KBTBD6: variants seen among roughly 807,000 people sequenced by gnomAD.
KBTBD6 encodes the protein kelch repeat and BTB domain-containing protein 6.
A neutral mutation model predicts 34.4 loss-of-function variants in KBTBD6; 6 were observed. The observed-to-expected ratio is 0.17, with a 90% CI of 0.10 to 0.34. The LOEUF is 0.34. Among genes scored for constraint, KBTBD6 ranks in the 10% least tolerant of loss-of-function variants. KBTBD6 has a pLI of 1.00. For missense variants in KBTBD6, 557 were observed against 856.0 expected, an observed-to-expected ratio of 0.65 and a Z score of 4.36; for synonymous variants, 288 against 327.2, an observed-to-expected ratio of 0.88 and a Z score of 1.29.
chr13:41,131,715 C>T lies in KBTBD6; in HGVS notation c.797G>A (p.Arg266His). 1 of 1,614,170 alleles carries T rather than the reference C, an allele frequency of 6.2e-7. No individual in the cohort carries two copies. The highest frequency in any genetic ancestry group is 8.5e-7 in the Non-Finnish European group (1 of 1,180,004). The change falls in exon 1 of 1, where the codon CGC becomes CAC. Residue 266 changes from arginine to histidine, a missense_variant. Coordinates refer to ENST00000379485, the MANE Select transcript of KBTBD6 (RefSeq NM_152903.5). The surrounding 1 kb of genome is among the most constrained non-coding windows in gnomAD (Gnocchi z 5.8). Reference protein sequence around the residue: ...PSAAEVFKCVRWMHFTEEDQD... With the variant: ...PSAAEVFKCVHWMHFTEEDQD... ...ATCTTCTTCAGTGAAGTGCATCCAG[C>T]GCACGCACTTGAAGACTTCTGCAGC...
chr13:41,131,867 T>A lies in KBTBD6; in HGVS notation c.645A>T (p.Ala215=). Residue 215 remains alanine, a synonymous_variant, in exon 1 of 1, where the codon GCA becomes GCT. Transcript: ENST00000379485. The surrounding 1 kb of genome is among the most constrained non-coding windows in gnomAD (Gnocchi z 5.8). ...HMGSIREETL[A]DLTLAQLLAV... ...CCAGCAGCTGGGCCAGGGTCAGATCTGCTAGAGTCTCCTCCCGAATTGAAC... is the reference window on the plus strand; with the variant it reads ...CCAGCAGCTGGGCCAGGGTCAGATCAGCTAGAGTCTCCTCCCGAATTGAAC... The A allele has an allele frequency of 6.2e-7, 1 of 1,614,266 alleles. No homozygotes were observed. Among genetic ancestry groups the A allele is most frequent in the Non-Finnish European group, 8.5e-7 (1 of 1,180,054 alleles).
At position 41,128,420 on chromosome 13, in the gene KBTBD6, T is replaced by C; in HGVS notation, c.*2067A>G. ...TTTAGTGTGTTTAACAATGTCAGTTTCGTGGGATTTAGTCTCTGTTCCAGG... is the reference window on the plus strand; with the variant it reads ...TTTAGTGTGTTTAACAATGTCAGTTCCGTGGGATTTAGTCTCTGTTCCAGG... On this transcript the variant is annotated 3_prime_UTR_variant, in exon 1 of 1. Coordinates refer to ENST00000379485, the MANE Select transcript of KBTBD6 (RefSeq NM_152903.5). 2.6e-6 allele frequency: 1 copy of C among 391,664 alleles called. No individual in the cohort carries two copies. Among genetic ancestry groups the C allele is most frequent in the African/African-American group, 2.1e-5 (1 of 48,658 alleles). The allele number at this position is 391,664 out of a possible 1,614,324, so 24.3% of individuals were successfully genotyped here. A position where few individuals can be genotyped will look rare whatever the true frequency, so the allele number is the denominator to read the frequency against.
chr13:41,131,748 C>A lies in KBTBD6; in HGVS notation c.764G>T (p.Gly255Val), dbSNP rs1161116543. The change falls in exon 1 of 1, where the codon GGT becomes GTT. Residue 255 changes from glycine to valine, a missense_variant. Gly to Val is a moderately radical substitution (Grantham distance 109, BLOSUM62 -3). Around this residue, in one of 4 missense-constraint regions of KBTBD6, gnomAD observed 100 missense variants for 102.1 expected, o/e 0.98. Coordinates refer to ENST00000379485, the MANE Select transcript of KBTBD6 (RefSeq NM_152903.5). The surrounding 1 kb of genome is among the most constrained non-coding windows in gnomAD (Gnocchi z 5.8). ...CTTGAAGACTTCTGCAGCACTGGGA[C>A]CCCGCTCTTTGGGAGCAGCCTCCAG... ...QWLEAAPKER[G>V]PSAAEVFKCV... 1 of 1,614,246 alleles carries A rather than the reference C, an allele frequency of 6.2e-7. No individual in the cohort carries two copies. The highest frequency in any genetic ancestry group is 8.5e-7 in the Non-Finnish European group (1 of 1,180,044).
Position 41,130,400 on chromosome 13 carries a change from A to C in KBTBD6, c.*87T>G. On this transcript the variant is annotated 3_prime_UTR_variant, in exon 1 of 1. Coordinates refer to ENST00000379485, the MANE Select transcript of KBTBD6 (RefSeq NM_152903.5). The surrounding 1 kb of genome is among the most constrained non-coding windows in gnomAD (Gnocchi z 4.8). ...AACTTTTCCTCTCCTTTAGGAACAA[A>C]AAGGATATTTAAGATATTTTCCAAA... 9.9e-7 allele frequency: 1 copy of C among 1,006,132 alleles called. No homozygotes were observed. 62.3% of individuals were successfully genotyped at this position (1,006,132 alleles called of 1,614,324 possible).
chr13:41,131,159 C>T lies in KBTBD6; in HGVS notation c.1353G>A (p.Leu451=), dbSNP rs1566228374. 1.2e-6 allele frequency: 2 copies of T among 1,614,180 alleles called. No individual in the cohort carries two copies. The highest frequency in any genetic ancestry group is 1.7e-6 in the Non-Finnish European group (2 of 1,180,034). ...TAACATTGTAGCATTCCACTTCCTT[C>T]AACTTAACTCCAGTAATAGGGTCTC... ...GGRDPITGVK[L]KEVECYNVKR... The change falls in exon 1 of 1, where the codon TTG becomes TTA. Residue 451 remains leucine, a synonymous_variant. Transcript: ENST00000379485. This position sits in a 1 kb window ranked among gnomAD's most constrained non-coding sequence, Gnocchi z 5.8.
Position 41,132,654 on chromosome 13 carries a change from AC to A in KBTBD6, c.-144del, listed in dbSNP as rs2030132403. The A allele has an allele frequency of 2.1e-6, 2 of 932,976 alleles. No homozygotes were observed. Among genetic ancestry groups the A allele is most frequent in the Non-Finnish European group, 3.2e-6 (2 of 624,642 alleles). The allele number at this position is 932,976 out of a possible 1,614,324, so 57.8% of individuals were successfully genotyped here. A position where few individuals can be genotyped will look rare whatever the true frequency, so the allele number is the denominator to read the frequency against. On this transcript the variant is annotated 5_prime_UTR_variant, in exon 1 of 1. Transcript: ENST00000379485. ...GAGCCCATTTACTGAATTCAACCCTACCCCGCAGAACCGCCTCCCGTTATCG... is the reference window on the plus strand; with the variant it reads ...GAGCCCATTTACTGAATTCAACCCTACCCGCAGAACCGCCTCCCGTTATCG...
In KBTBD6 at chr13:41,128,431, AG is replaced by A; in HGVS notation, c.*2055del. ...TAACAATGTCAGTTTCGTGGGATTTAGTCTCTGTTCCAGGACCTTCTCTTAC... is the reference window on the plus strand; with the variant it reads ...TAACAATGTCAGTTTCGTGGGATTTATCTCTGTTCCAGGACCTTCTCTTAC... On this transcript the variant is annotated 3_prime_UTR_variant, in exon 1 of 1. Transcript: ENST00000379485. 1 of 393,118 alleles carries A rather than the reference AG, an allele frequency of 2.5e-6. No homozygotes were observed. The highest frequency in any genetic ancestry group is 4.5e-6 in the Non-Finnish European group (1 of 222,248). 24.4% of individuals were successfully genotyped at this position (393,118 alleles called of 1,614,324 possible). A position where few individuals can be genotyped will look rare whatever the true frequency, so the allele number is the denominator to read the frequency against.
In KBTBD6 at chr13:41,131,701, T is replaced by A. The variant is rs780519270; in HGVS notation, c.811A>T (p.Thr271Ser). ...TCTAAGTAGTCCTGATCTTCTTCAG[T>A]GAAGTGCATCCAGCGCACGCACTTG... The part of the protein sequence containing the change: ...VFKCVRWMHF[T>S]EEDQDYLEGL... The change falls in exon 1 of 1, where the codon ACT (threonine) becomes TCT (serine). Residue 271 changes from threonine (T) to serine (S), a missense_variant. Thr to Ser is a moderately conservative substitution (Grantham distance 58). This residue lies in a region of KBTBD6 where 309 missense variants were observed against 504.5 expected (regional missense o/e 0.61). Transcript: ENST00000379485. The surrounding 1 kb of genome is among the most constrained non-coding windows in gnomAD (Gnocchi z 5.8). The A allele has an allele frequency of 8.4e-5, 136 of 1,614,108 alleles. 1 individual carries two copies. Among genetic ancestry groups the A allele is most frequent in the Non-Finnish European group, 1.1e-4 (134 of 1,180,038 alleles).
At position 41,128,160 on chromosome 13, in the gene KBTBD6, G is replaced by C. The variant is rs2030026040; in HGVS notation, c.*2327C>G. 5.7e-6 allele frequency: 1 copy of C among 176,752 alleles called. No homozygotes were observed. The highest frequency in any genetic ancestry group is 1.2e-5 in the Non-Finnish European group (1 of 84,604). The allele number at this position is 176,752 out of a possible 1,614,324, so 10.9% of individuals were successfully genotyped here. A position where few individuals can be genotyped will look rare whatever the true frequency, so the allele number is the denominator to read the frequency against. On this transcript the variant is annotated 3_prime_UTR_variant, in exon 1 of 1. Transcript: ENST00000379485. ...TTATGATATTTCACTCAAAAATTTA[G>C]TTACCCACCCCAAAACACATTTCTC... is the stretch of plus-strand genomic sequence containing the variant.
chr13:41,132,127 A>C lies in KBTBD6; in HGVS notation c.385T>G (p.Cys129Gly). The change falls in exon 1 of 1, where the codon TGC becomes GGC. Residue 129 changes from cysteine to glycine, a missense_variant. This residue lies in a region of KBTBD6 where 108 missense variants were observed against 209.6 expected (regional missense o/e 0.52). Transcript: ENST00000379485. ...CTGAGAGACACACGACCCGTGTAGC[A>C]GTAGTCGACCAACACCTCGAAGGAC... is the stretch of plus-strand genomic sequence containing the variant. ...AESFEVLVDYCYTGRVSLSEA... is the reference protein window; with the variant it reads ...AESFEVLVDYGYTGRVSLSEA... 6.2e-7 allele frequency: 1 copy of C among 1,614,266 alleles called. No homozygotes were observed. The highest frequency in any genetic ancestry group is 8.5e-7 in the Non-Finnish European group (1 of 1,180,046).
At position 41,131,210 on chromosome 13, in the gene KBTBD6, A is replaced by C; in HGVS notation, c.1302T>G (p.Asn434Lys). The change falls in exon 1 of 1, where the codon AAT (asparagine) becomes AAG (lysine). Residue 434 changes from asparagine to lysine, a missense_variant. Asn to Lys is a moderately conservative substitution (Grantham distance 94, BLOSUM62 0). Transcript: ENST00000379485. This position sits in a 1 kb window ranked among gnomAD's most constrained non-coding sequence, Gnocchi z 5.8. ...CREGMDVAYL[N>K]GYIYILGGRD... is the part of the protein sequence containing the mutation. The stretch of plus-strand genomic sequence containing the variant: ...GCCCCCCCAAAATGTAGATATAGCC[A>C]TTGAGATATGCCACATCCATGCCCT... 1 of 1,614,214 alleles carries C rather than the reference A, an allele frequency of 6.2e-7. No individual in the cohort carries two copies. The highest frequency in any genetic ancestry group is 2.2e-5 in the East Asian group (1 of 44,884).
rs1371063387 is a variant in KBTBD6, at chr13:41,130,462, A to G, written c.*25T>C. ...AACTTAGTGTTTCAATCTAGTTACA[A>G]CAAACCCTGTTGATCCTGTGCATTT... On this transcript the variant is annotated 3_prime_UTR_variant, in exon 1 of 1. Transcript: ENST00000379485. The surrounding 1 kb of genome is among the most constrained non-coding windows in gnomAD (Gnocchi z 4.8). 1.3e-6 allele frequency: 2 copies of G among 1,534,148 alleles called. No individual in the cohort carries two copies. The highest frequency in any genetic ancestry group is 4.5e-5 in the East Asian group (2 of 44,312).
chr13:41,132,716 G>T lies in KBTBD6; in HGVS notation c.-205C>A. The T allele has an allele frequency of 1.6e-6, 1 of 641,226 alleles. No individual in the cohort carries two copies. The highest frequency in any genetic ancestry group is 2.7e-6 in the Non-Finnish European group (1 of 371,832). The allele number at this position is 641,226 out of a possible 1,614,324, so 39.7% of individuals were successfully genotyped here. On this transcript the variant is annotated 5_prime_UTR_variant, in exon 1 of 1. Coordinates refer to ENST00000379485, the MANE Select transcript of KBTBD6 (RefSeq NM_152903.5). ...GGCTGACTCACCCTCTCTCACTCCC[G>T]CGTCCTTTCTCCGCGTCTGCTCGCC...
At position 41,132,574 on chromosome 13, in the gene KBTBD6, T is replaced by TCA; in HGVS notation, c.-65_-64dup. 6.5e-7 allele frequency: 1 copy of TCA among 1,542,578 alleles called. No homozygotes were observed. The highest frequency in any genetic ancestry group is 1.2e-5 in the South Asian group (1 of 83,008). ...TGCAGGACCCGGCTCTGGCTCCTCC[T>TCA]CAACCTTCCCTCGCTGACGCTAAGA... On this transcript the variant is annotated 5_prime_UTR_variant, in exon 1 of 1. An upstream open reading frame in the 5' UTR loses its in-frame stop. Transcript: ENST00000379485.
rs1314318071 is a variant in KBTBD6 at position 41,132,752 on chromosome 13, C to T, written c.-241G>A. ...CCGCGTCTGCTCGCCTTCACAGGAC[C>T]CGCTGGCTTGGAGCCGCAGAAGCCG... On this transcript the variant is annotated 5_prime_UTR_variant, in exon 1 of 1. Coordinates refer to ENST00000379485, the MANE Select transcript of KBTBD6 (RefSeq NM_152903.5). The T allele has an allele frequency of 1.8e-6, 1 of 566,846 alleles. No individual in the cohort carries two copies. The highest frequency in any genetic ancestry group is 3.2e-6 in the Non-Finnish European group (1 of 315,930). The allele number at this position is 566,846 out of a possible 1,614,324, so 35.1% of individuals were successfully genotyped here.
Position 41,129,033 on chromosome 13 carries a change from A to G in KBTBD6, c.*1454T>C, listed in dbSNP as rs1349550892. On this transcript the variant is annotated 3_prime_UTR_variant, in exon 1 of 1. Transcript: ENST00000379485. ...TTTAGTGACTTTAAAAAGCTGACAG[A>G]ATATTTCCATGCTACACAAAACAGT... 1 of 152,806 alleles carries G rather than the reference A, an allele frequency of 6.5e-6. No homozygotes were observed. Among genetic ancestry groups the G allele is most frequent in the Non-Finnish European group, 1.5e-5 (1 of 68,150 alleles). 9.5% of individuals were successfully genotyped at this position (152,806 alleles called of 1,614,324 possible). A position where few individuals can be genotyped will look rare whatever the true frequency, so the allele number is the denominator to read the frequency against.
At position 41,132,772 on chromosome 13, in the gene KBTBD6, A is replaced by C. The variant is rs911800840; in HGVS notation, c.-261T>G. 24 of 530,676 alleles carry C rather than the reference A, an allele frequency of 4.5e-5. No individual in the cohort carries two copies. In the East Asian group the frequency reaches 6.9e-4, roughly 15 times the overall value. 32.9% of individuals were successfully genotyped at this position (530,676 alleles called of 1,614,324 possible). ...AGGACCCGCTGGCTTGGAGCCGCAG[A>C]AGCCGCTACTGCAGCGTGGGCGACA... On this transcript the variant is annotated 5_prime_UTR_variant, in exon 1 of 1. Transcript: ENST00000379485.
rs773536399 is a variant in KBTBD6, at chr13:41,132,480, C to G, written c.32G>C (p.Arg11Pro). Residue 11 changes from arginine to proline, a missense_variant, in exon 1 of 1, where the codon CGC becomes CCC. Around this residue, in one of 4 missense-constraint regions of KBTBD6, gnomAD observed 40 missense variants for 39.9 expected, o/e 1.00. Coordinates refer to ENST00000379485, the MANE Select transcript of KBTBD6 (RefSeq NM_152903.5). ...CCCACCACGGGGACTGGCTAGGCGG[C>G]GAGAGCGCGGGGCGTCTTCCCGGGA... MQSREDAPRSRRLASPRGGKR... is the reference protein window; with the variant it reads MQSREDAPRSPRLASPRGGKR... 4 of 1,613,996 alleles carry G rather than the reference C, an allele frequency of 2.5e-6. No homozygotes were observed. The East Asian group carries it at 6.7e-5, about 27-fold the overall frequency.
rs967965636 is a variant in KBTBD6, at chr13:41,129,951, C to T, written c.*536G>A. ...AAGTGCTAGGATTACAGGCGTGAGC[C>T]ACCGCGCCCAGCCTGCATTTTTTTC... On this transcript the variant is annotated 3_prime_UTR_variant, in exon 1 of 1. Transcript: ENST00000379485. 1 of 152,528 alleles carries T rather than the reference C, an allele frequency of 6.6e-6. No individual in the cohort carries two copies. Among genetic ancestry groups the T allele is most frequent in the East Asian group, 1.9e-4 (1 of 5,214 alleles). 9.4% of individuals were successfully genotyped at this position (152,528 alleles called of 1,614,324 possible). A position where few individuals can be genotyped will look rare whatever the true frequency, so the allele number is the denominator to read the frequency against.
Sources: gnomAD v4.1 joint callset for allele counts on GRCh38, gnomAD v4.1.1 for gene constraint, gnomAD v4.1.1 regional missense constraint, Gnocchi (gnomAD v3.1) non-coding constraint, MANE v1.5 for transcripts, NCBI Gene and HGNC (gene_info 2026-07-23, HGNC 2026-07-21) for gene names.